Variants in SCFD2 observed in about 807,000 individuals in gnomAD.
The protein encoded by SCFD2 is sec1 family domain containing 2, also known as sec1 family domain-containing protein 2.
A neutral mutation model predicts 58.9 loss-of-function variants in SCFD2; 54 were observed. That is an observed-to-expected ratio of 0.92 (90% confidence interval 0.74 to 1.15). SCFD2 has a LOEUF of 1.15. Among genes scored for constraint, SCFD2 ranks in the 50% most tolerant of loss-of-function variants. The pLI is 0.00. For synonymous variants in SCFD2, 321 were observed against 335.9 expected, an observed-to-expected ratio of 0.96 and a Z score of 0.49; for missense variants, 805 against 836.6, an observed-to-expected ratio of 0.96 and a Z score of 0.47.
At chr4:53,221,674 C>T (rs1729051147) in intron 4 of SCFD2, among the ~76,000 whole-genome samples, 1 of 152,042 alleles carries the variant, frequency 6.6e-6, no homozygotes. Context: ...ATAAAAATTT[C>T]AAATTAAGGC....
chr4:52,993,898 A>G (rs1721678850), intron 5 of SCFD2, among the ~76,000 whole-genome samples: 2 of 152,254 alleles, frequency 1.3e-5, no homozygotes, highest in Non-Finnish European at 2.9e-5. Context: ...GGGTTGTCAA[A>G]ACGATGACTG....
chr4:52,969,662 G>A (rs1721047879), intron 5 of SCFD2, among the ~76,000 whole-genome samples: 1 of 152,214 alleles, frequency 6.6e-6, no homozygotes, highest in African/African-American at 2.4e-5. Flanking sequence ...GATTGTGGAA[G>A]TGTGTGTCCT....
intron 4 of SCFD2, among the ~76,000 whole-genome samples, chr4:53,253,234 A>C (rs1303380685): frequency 6.6e-6 from 1 of 152,214 alleles, no homozygotes; most frequent in Non-Finnish European, 1.5e-5. Context: ...AAAAGTCAGG[A>C]AACAACAGGT....
At chr4:52,913,578 T>C (rs1172489299) in intron 6 of SCFD2, among the ~76,000 whole-genome samples, 5 of 152,230 alleles carry the variant, frequency 3.3e-5, no homozygotes, top group African/African-American at 1.2e-4. Flanking sequence ...TATTTCATTA[T>C]ATATCACAAT....
At chr4:53,207,532 ATATAT>A in intron 4 of SCFD2, among the ~76,000 whole-genome samples, 1 of 13,024 alleles carries the variant, frequency 7.7e-5, no homozygotes, top group Non-Finnish European at 1.2e-4. Flanking sequence ...TATAATATTT[ATATAT>A]TATATATATA....
intron 4 of SCFD2, among the ~76,000 whole-genome samples, chr4:53,211,758 G>A (rs1277495163): frequency 6.6e-6 from 1 of 152,104 alleles, no homozygotes; most frequent in Non-Finnish European, 1.5e-5. Context: ...TAGAAGAAAA[G>A]CATGGTTTGA....
intron 5 of SCFD2, among the ~76,000 whole-genome samples, chr4:52,937,178 A>G (rs1720159710): frequency 6.6e-6 from 1 of 152,222 alleles, no homozygotes; most frequent in South Asian, 2.1e-4. Context: ...ATACCTGGGG[A>G]AAAACTTTCT....
At chr4:52,930,017 T>C (rs1483106673) in intron 5 of SCFD2, among the ~76,000 whole-genome samples, 1 of 152,112 alleles carries the variant, frequency 6.6e-6, no homozygotes, top group African/African-American at 2.4e-5. Flanking sequence ...TTAAAATTCA[T>C]ATGGAAACAA....
intron 5 of SCFD2, among the ~76,000 whole-genome samples, chr4:53,043,302 A>C (rs1173229317): frequency 6.6e-6 from 1 of 152,192 alleles, no homozygotes. Context: ...AAAAGGAGGA[A>C]GAAAACAGAT....
chr4:52,927,060 CGGGAAGTGCATAA>C (rs1027338167), intron 5 of SCFD2, among the ~76,000 whole-genome samples: 1 of 151,992 alleles, frequency 6.6e-6, no homozygotes, highest in African/African-American at 2.4e-5. Flanking sequence ...AGGACAGTCC[CGGGAAGTGCATAA>C]GGCAAATAAA....
At chr4:53,345,927 T>A (rs1256683610) in intron 2 of SCFD2, among the ~76,000 whole-genome samples, 1 of 151,680 alleles carries the variant, frequency 6.6e-6, no homozygotes, top group Non-Finnish European at 1.5e-5. Context: ...GCGGGGAACA[T>A]CACACACCAG....
chr4:53,135,326 A>G (rs1725904026), intron 5 of SCFD2, among the ~76,000 whole-genome samples: 1 of 152,244 alleles, frequency 6.6e-6, no homozygotes, highest in South Asian at 2.1e-4. Flanking sequence ...GACTCATGTA[A>G]TGTTTTGGAA....
chr4:53,346,759 T>C (rs750395817), intron 2 of SCFD2, among the ~76,000 whole-genome samples: 1 of 152,190 alleles, frequency 6.6e-6, no homozygotes, highest in Non-Finnish European at 1.5e-5. Flanking sequence ...AGTTGTAAAG[T>C]GAAGAGCAGT....
intron 6 of SCFD2, among the ~76,000 whole-genome samples, chr4:52,911,936 GT>G (rs1719496527): frequency 6.6e-6 from 1 of 152,100 alleles, no homozygotes; most frequent in Admixed American, 6.6e-5. Context: ...TGCTTCTCCT[GT>G]TTATTTGCAA....
chr4:53,098,130 G>A (rs1019596860), intron 5 of SCFD2, among the ~76,000 whole-genome samples: 26 of 152,146 alleles, frequency 1.7e-4, no homozygotes, highest in Non-Finnish European at 2.9e-4. Context: ...GTATTTTATT[G>A]AGGATTTTTG....
intron 4 of SCFD2, among the ~76,000 whole-genome samples, chr4:53,165,656 A>G (rs992167532): frequency 2.6e-5 from 4 of 152,098 alleles, no homozygotes; most frequent in African/African-American, 9.7e-5. Context: ...TTCACCATCC[A>G]TCTTACTATA....
At chr4:53,312,775 A>G (rs1426645096) in intron 3 of SCFD2, among the ~76,000 whole-genome samples, 1 of 152,126 alleles carries the variant, frequency 6.6e-6, no homozygotes, top group Non-Finnish European at 1.5e-5. Context: ...AATAAAATGT[A>G]CTAATATTTA....
chr4:53,097,584 G>A (rs548105446), intron 5 of SCFD2, among the ~76,000 whole-genome samples: 2 of 152,220 alleles, frequency 1.3e-5, no homozygotes, highest in South Asian at 4.1e-4. Flanking sequence ...AGACTTTGCT[G>A]AAGTTGCTTA....
intron 3 of SCFD2, among the ~76,000 whole-genome samples, chr4:53,276,560 C>T (rs1208494587): frequency 2.0e-5 from 3 of 152,002 alleles, no homozygotes; most frequent in East Asian, 3.9e-4. Flanking sequence ...GTTTTGTCAC[C>T]GAGGTACTAT....
Sources: allele counts gnomAD v4.1 joint callset (sites outside exome capture counted in the v4.1 genomes callset), GRCh38; gene constraint gnomAD v4.1.1; transcripts MANE v1.5; gene names NCBI Gene and HGNC (gene_info 2026-07-23, HGNC 2026-07-21).